The following SPAM1 variants were observed in gnomAD, a reference collection of about 807,000 sequenced individuals.
SPAM1 encodes sperm adhesion molecule 1.
SPAM1 carries 22 observed loss-of-function variants against 29.6 expected under a neutral mutation model. That is an observed-to-expected ratio of 0.74 (90% confidence interval 0.53 to 1.06). The LOEUF is 1.06. Among genes scored for constraint, SPAM1 ranks in the 50% least tolerant of loss-of-function variants. SPAM1 has a pLI of 0.00. For missense variants in SPAM1, 534 were observed against 604.0 expected (o/e 0.88, Z 1.21); for synonymous variants, 194 against 204.6 (o/e 0.95, Z 0.44).
chr7:123,935,423 A>G (rs1808221583), intron 1 of SPAM1, among the ~76,000 whole-genome samples: 2 of 152,342 alleles, frequency 1.3e-5, no homozygotes, highest in Non-Finnish European at 2.9e-5. Flanking sequence ...TTAAAATACA[A>G]ACAAAACTAA....
intron 6 of SPAM1, chr7:123,970,414 A>C: frequency 1.6e-6 from 1 of 621,560 alleles, no homozygotes; most frequent in South Asian, 2.7e-5. Context: ...ATTTTCACTT[A>C]ATTACCTCTT....
At chr7:123,934,017 A>C (rs1487914622) in intron 1 of SPAM1, among the ~76,000 whole-genome samples, 1 of 152,166 alleles carries the variant, frequency 6.6e-6, no homozygotes, top group Non-Finnish European at 1.5e-5. Context: ...AATACCTACC[A>C]TTGTGTTACA....
chr7:123,956,896 G>GAT (rs1792259148), intron 4 of SPAM1, among the ~76,000 whole-genome samples: 1 of 151,874 alleles, frequency 6.6e-6, no homozygotes, highest in African/African-American at 2.4e-5. Context: ...TTACACTATG[G>GAT]ATATATATAC....
Position 123,954,102 on chromosome 7 carries a change from C to T in SPAM1, c.532C>T (p.Gln178Ter), listed in dbSNP as rs775468710. ...TGAATTGGTTCAGCAACAAAATGTA[C>T]AACTTAGTCTCACAGAGGCCACTGA... Reference protein sequence around the residue: ...SIELVQQQNVQLSLTEATEKA... With the variant: ...SIELVQQQNV The change falls in exon 3 of 5, where the codon CAA (glutamine) becomes TAA (stop). Residue 178 changes from glutamine (Q) to a stop codon, truncating the protein, a stop_gained. Transcript: ENST00000682466. LOFTEE classifies it high-confidence loss of function. The T allele has an allele frequency of 6.2e-7, 1 of 1,612,874 alleles. No homozygotes were observed. The highest frequency in any genetic ancestry group is 8.5e-7 in the Non-Finnish European group (1 of 1,179,534).
At chr7:123,955,180 A>C (rs1335875225) in intron 4 of SPAM1, 94 bp downstream of exon 4, 4 of 841,310 alleles carry the variant, frequency 4.8e-6, no homozygotes, top group Non-Finnish European at 8.0e-6. Flanking sequence ...AAGTAGTACT[A>C]TGCTTGGCAT....
intron 4 of SPAM1, among the ~76,000 whole-genome samples, chr7:123,955,434 G>T (rs183847665): frequency 6.6e-6 from 1 of 152,030 alleles, no homozygotes; most frequent in Admixed American, 6.6e-5. Context: ...CTCTATATCA[G>T]ATCTTTATCC....
chr7:123,957,773 C>T (rs973457157), intron 4 of SPAM1, among the ~76,000 whole-genome samples: 2 of 151,928 alleles, frequency 1.3e-5, no homozygotes, highest in Non-Finnish European at 2.9e-5. Flanking sequence ...GCAATGAGAT[C>T]CCCATTATCT....
downstream of SPAM1, among the ~76,000 whole-genome samples, chr7:123,963,667 A>C (rs1398377836): frequency 6.6e-6 from 1 of 151,932 alleles, no homozygotes; most frequent in Non-Finnish European, 1.5e-5. Context: ...CTTTTTTATA[A>C]GAAATATCAT....
chr7:123,936,138 C>T (rs1297847944), intron 1 of SPAM1, among the ~76,000 whole-genome samples: 1 of 152,206 alleles, frequency 6.6e-6, no homozygotes, highest in Non-Finnish European at 1.5e-5. Context: ...GTTCATATGC[C>T]TGCTGCACAG....
chr7:123,936,494 G>A (rs4727987), intron 1 of SPAM1, among the ~76,000 whole-genome samples: 21,372 of 152,148 alleles, frequency 0.14, 1,817 homozygotes, highest in Non-Finnish European at 0.19. Flanking sequence ...ATTTAGTAAT[G>A]TTCAAGTTGT....
At chr7:123,933,862 C>CAT (rs367693669) in intron 1 of SPAM1, among the ~76,000 whole-genome samples, 8 of 151,548 alleles carry the variant, frequency 5.3e-5, no homozygotes, top group South Asian at 2.1e-4. Flanking sequence ...AATGATAGAC[C>CAT]ATATATATAT....
chr7:123,964,421 G>A (rs570724075), downstream of SPAM1, among the ~76,000 whole-genome samples: 4 of 151,610 alleles, frequency 2.6e-5, no homozygotes, highest in Non-Finnish European at 5.9e-5. Context: ...TAGATATAAG[G>A]AAAAGGATAA....
In SPAM1 at chr7:123,939,332, G is replaced by A. The variant is rs531581562; in HGVS notation, c.-318-10540G>A. Among the ~76,000 whole-genome samples, 6 of 152,168 alleles carry A rather than the reference G, an allele frequency of 3.9e-5. No homozygotes were observed. In the South Asian group the frequency reaches 1.2e-3, roughly 32 times the overall value. On this transcript the variant is annotated intron_variant, in intron 1 of 4. Coordinates refer to ENST00000682466, the MANE Select transcript of SPAM1 (RefSeq NM_153189.3). Reference sequence around the variant, plus strand: ...CAACTCCTGACCTCGTGATCTGCCCGCCTCGGCCTTCCTAAAGTGCTCGGA... The same window carrying A: ...CAACTCCTGACCTCGTGATCTGCCCACCTCGGCCTTCCTAAAGTGCTCGGA...
intron 1 of SPAM1, among the ~76,000 whole-genome samples, chr7:123,928,911 G>A (rs980358213): frequency 6.6e-6 from 1 of 152,116 alleles, no homozygotes; most frequent in Non-Finnish European, 1.5e-5. Context: ...AGTCATAGGT[G>A]TGTTTTTATA....
chr7:123,967,981 A>G (rs1451108962), intron 5 of SPAM1, among the ~76,000 whole-genome samples: 1 of 152,020 alleles, frequency 6.6e-6, no homozygotes, highest in Non-Finnish European at 1.5e-5. Context: ...TTAGAAATCA[A>G]TACTTGGATG....
chr7:123,970,922 C>CA (rs1300215469), intron 6 of SPAM1: 3 of 151,996 alleles, frequency 2.0e-5, no homozygotes, highest in African/African-American at 7.2e-5. Context: ...TTAAGGAATA[C>CA]AGTTTTGAAC....
At chr7:123,960,058 G>A, downstream of SPAM1, 1 of 1,496,774 alleles carries the variant, frequency 6.7e-7, no homozygotes, top group Non-Finnish European at 8.8e-7. Context: ...AGCTCTTGTT[G>A]AAAGATCATT....
intron 1 of SPAM1, among the ~76,000 whole-genome samples, chr7:123,929,647 A>G (rs1043170491): frequency 6.6e-6 from 1 of 152,134 alleles, no homozygotes; most frequent in Non-Finnish European, 1.5e-5. Flanking sequence ...TACATCCACA[A>G]AAGGAATTTC....
At chr7:123,933,900 G>A (rs1194526612) in intron 1 of SPAM1, among the ~76,000 whole-genome samples, 2 of 152,130 alleles carry the variant, frequency 1.3e-5, no homozygotes, top group Non-Finnish European at 2.9e-5. Context: ...TACGATTATA[G>A]TGGAGCTGCA....
Sources: allele counts gnomAD v4.1 joint callset (sites outside exome capture counted in the v4.1 genomes callset), GRCh38; gene constraint gnomAD v4.1.1; transcripts MANE v1.5; gene names NCBI Gene and HGNC (gene_info 2026-07-23, HGNC 2026-07-21).